CCDC73: variants seen among roughly 807,000 people sequenced by gnomAD.
CCDC73 encodes coiled-coil domain containing 73.
A neutral mutation model predicts 116.5 loss-of-function variants in CCDC73; 95 were observed. That is an observed-to-expected ratio of 0.82 (90% CI 0.69 to 0.97). CCDC73 has a LOEUF of 0.97. CCDC73 is among the 50% of genes least tolerant of loss of function. The probability of loss-of-function intolerance (pLI) is 0.00; values close to 1 mark genes in which losing one functional copy is unlikely to be tolerated. For missense variants in CCDC73, 1,066 were observed against 1,206.8 expected (o/e 0.88, Z 1.73); for synonymous variants, 398 against 401.3 (o/e 0.99, Z 0.10).
chr11:32,699,956 C>T (rs4551733), intron 5 of CCDC73, among the ~76,000 whole-genome samples: 88,401 of 149,714 alleles, frequency 0.59, 26,414 homozygotes, highest in East Asian at 0.84. Flanking sequence ...TTTAACCTTC[C>T]ATCTGTACTA....
intron 1 of CCDC73, among the ~76,000 whole-genome samples, chr11:32,760,608 A>G (rs1226641950): frequency 1.3e-5 from 2 of 152,230 alleles, no homozygotes; most frequent in Non-Finnish European, 2.9e-5. Flanking sequence ...TTGCCTTGAC[A>G]TAAAGCTTCT....
At chr11:32,712,393 A>G (rs978915954) in intron 3 of CCDC73, among the ~76,000 whole-genome samples, 2 of 152,148 alleles carry the variant, frequency 1.3e-5, no homozygotes, top group African/African-American at 4.8e-5. Flanking sequence ...TGTATATTTC[A>G]AAATTGGTAA....
chr11:32,745,297 C>T (rs965900868), intron 2 of CCDC73, among the ~76,000 whole-genome samples: 3 of 152,142 alleles, frequency 2.0e-5, no homozygotes, highest in South Asian at 2.1e-4. Flanking sequence ...TGTTCTTTTA[C>T]ATTTGCTGAG....
At chr11:32,821,751 C>T in the CCDC73 span, among the ~76,000 whole-genome samples, 1 of 152,244 alleles carries the variant, frequency 6.6e-6, no homozygotes, top group East Asian at 1.9e-4. Flanking sequence ...TCCTATTGGA[C>T]AGAAACCAGA....
chr11:32,683,591 GA>G lies in CCDC73; in HGVS notation c.391-18del, dbSNP rs139605974. ...TTTAGAAACCTTGAAAAATAAGGGGGAAAAATCTCATTAAAATACTTTAATT... is the reference window on the plus strand; with the variant it reads ...TTTAGAAACCTTGAAAAATAAGGGGGAAAATCTCATTAAAATACTTTAATT... On this transcript the variant is annotated intron_variant, in intron 6 of 17. Transcript: ENST00000335185. 2.4e-5 allele frequency: 34 copies of G among 1,400,724 alleles called. No homozygotes were observed. Among genetic ancestry groups the G allele is most frequent in the Non-Finnish European group, 3.2e-5 (32 of 1,000,326 alleles). 86.8% of individuals were successfully genotyped at this position (1,400,724 alleles called of 1,614,324 possible). A position where few individuals can be genotyped will look rare whatever the true frequency, so the allele number is the denominator to read the frequency against.
chr11:32,613,210 G>A (rs1219793412), intron 16 of CCDC73, among the ~76,000 whole-genome samples: 1 of 152,048 alleles, frequency 6.6e-6, no homozygotes, highest in African/African-American at 2.4e-5. Context: ...AGAGCATATA[G>A]AAAGAAGAGC....
intron 12 of CCDC73, among the ~76,000 whole-genome samples, chr11:32,645,352 C>T (rs551073315): frequency 2.1e-5 from 3 of 141,770 alleles, no homozygotes; most frequent in East Asian, 2.0e-4. Context: ...GCTGCAATGG[C>T]GCGATCTCGG....
At chr11:32,711,913 A>G in intron 3 of CCDC73, among the ~76,000 whole-genome samples, 1 of 152,174 alleles carries the variant, frequency 6.6e-6, no homozygotes, top group South Asian at 2.1e-4. Flanking sequence ...TGTTTATTAC[A>G]GTCTTCCCTT....
intron 6 of CCDC73, among the ~76,000 whole-genome samples, chr11:32,692,203 A>AT (rs1856266690): frequency 6.6e-6 from 1 of 151,736 alleles, no homozygotes; most frequent in Admixed American, 6.6e-5. Flanking sequence ...GTCTAGATTC[A>AT]TTTTTTTCAT....
At chr11:32,784,781 T>C (rs545583518) in intron 1 of CCDC73, among the ~76,000 whole-genome samples, 1 of 152,352 alleles carries the variant, frequency 6.6e-6, no homozygotes, top group East Asian at 1.9e-4. Flanking sequence ...GCAGTGTAAA[T>C]AACATATAAT....
intron 14 of CCDC73, among the ~76,000 whole-genome samples, chr11:32,623,020 A>T (rs1218583744): frequency 6.6e-6 from 1 of 151,786 alleles, no homozygotes; most frequent in Non-Finnish European, 1.5e-5. Flanking sequence ...ATTTATTTTT[A>T]TTTTTTGAGA....
At chr11:32,685,694 C>CGAATGT (rs1353732962) in intron 6 of CCDC73, among the ~76,000 whole-genome samples, 1 of 147,138 alleles carries the variant, frequency 6.8e-6, no homozygotes. Context: ...GTTCTGAGGA[C>CGAATGT]GAATGTGACA....
At chr11:32,818,169 TG>T in the CCDC73 span, among the ~76,000 whole-genome samples, 1 of 152,278 alleles carries the variant, frequency 6.6e-6, no homozygotes, top group Non-Finnish European at 1.5e-5. Flanking sequence ...GTACCTTACA[TG>T]GGTCTTACAA....
chr11:32,674,568 A>G (rs539863919), intron 9 of CCDC73, among the ~76,000 whole-genome samples: 1 of 152,298 alleles, frequency 6.6e-6, no homozygotes, highest in Admixed American at 6.5e-5. Flanking sequence ...TGATCCAGTT[A>G]CTCAATAATG....
intron 7 of CCDC73, among the ~76,000 whole-genome samples, chr11:32,676,560 A>G (rs1416085232): frequency 6.6e-6 from 1 of 152,234 alleles, no homozygotes; most frequent in Non-Finnish European, 1.5e-5. Context: ...TGAGGCAGGA[A>G]GAATGCTTGA....
intron 6 of CCDC73, among the ~76,000 whole-genome samples, chr11:32,693,537 T>C (rs1856280546): frequency 6.6e-6 from 1 of 152,068 alleles, no homozygotes; most frequent in Non-Finnish European, 1.5e-5. Flanking sequence ...AAATACTCTC[T>C]ATAGGGAATC....
chr11:32,729,656 A>T (rs921740275), intron 2 of CCDC73, among the ~76,000 whole-genome samples: 13 of 152,188 alleles, frequency 8.5e-5, no homozygotes, highest in African/African-American at 3.1e-4. Flanking sequence ...GTGTAAAAGC[A>T]TTCCTTTTTC....
intron 1 of CCDC73, among the ~76,000 whole-genome samples, chr11:32,762,107 C>A (rs897123973): frequency 1.3e-5 from 2 of 152,170 alleles, no homozygotes; most frequent in Admixed American, 6.5e-5. Flanking sequence ...CTGGGTACTA[C>A]AACCTAGCCA....
chr11:32,826,987 G>A, the CCDC73 span, among the ~76,000 whole-genome samples: 9 of 152,010 alleles, frequency 5.9e-5, no homozygotes, highest in South Asian at 1.0e-3. Context: ...TCAGCCTCCC[G>A]AGTAGCTGGA....
Sources: allele counts gnomAD v4.1 joint callset (sites outside exome capture counted in the v4.1 genomes callset), GRCh38; gene constraint gnomAD v4.1.1; transcripts MANE v1.5; gene names NCBI Gene and HGNC (gene_info 2026-07-23, HGNC 2026-07-21).